MIB2: variants seen among roughly 807,000 people sequenced by gnomAD.
The protein encoded by MIB2 is MIB E3 ubiquitin protein ligase 2.
MIB2 carries 78 observed loss-of-function variants against 96.6 expected under a neutral mutation model. The ratio of observed to expected loss-of-function variants is 0.81; its 90% CI spans 0.67 to 0.97. MIB2 has a LOEUF of 0.97. Ranked by LOEUF, MIB2 falls within the 50% of genes least tolerant of loss-of-function variation. The pLI, the probability that MIB2 is intolerant of heterozygous loss-of-function variation, is 0.00. For synonymous variants in MIB2, 820 were observed against 629.5 expected (o/e 1.30, Z -4.53); for missense variants, 1,543 against 1,424.0 (o/e 1.08, Z -1.35).
upstream of MIB2, chr1:1,615,372 T>C (rs1643489199): frequency 2.8e-6 from 4 of 1,421,296 alleles, no homozygotes; most frequent in African/African-American, 1.5e-5. Context: ...GGAACCTAGC[T>C]GCGCCACGCA....
In MIB2 at chr1:1,626,830, C is replaced by T. The variant is rs776087284; in HGVS notation, c.1078-7C>T. 6.2e-7 allele frequency: 1 copy of T among 1,601,324 alleles called. No homozygotes were observed. The highest frequency in any genetic ancestry group is 2.2e-5 in the East Asian group (1 of 44,810). On this transcript the variant is annotated splice_polypyrimidine_tract_variant and splice_region_variant and intron_variant, in intron 9 of 19. Transcript: ENST00000355826. The surrounding 1 kb of genome is among the most constrained non-coding windows in gnomAD (Gnocchi z 5.3). Reference sequence around the variant, plus strand: ...CAGCCTGCTGTGACCCCCTCCCCTCCCCGCAGGCCCTGGGCCGCGTCGGGA... The same window carrying T: ...CAGCCTGCTGTGACCCCCTCCCCTCTCCGCAGGCCCTGGGCCGCGTCGGGA...
rs374275766 is a variant in MIB2 at position 1,623,913 on chromosome 1, C to T, written c.387C>T (p.Ala129=). The change falls in exon 4 of 20, where the codon GCC becomes GCT. Residue 129 remains alanine (A), a synonymous_variant. Transcript: ENST00000355826. ...YMHNKHELAH[A]FDRYETAHSR... is the part of the protein sequence containing the mutation. ...ACAACAAGCATGAGCTCGCCCACGC[C>T]TTCGACCGCTACGAGACCGCTCACT... The T allele has an allele frequency of 6.2e-7, 1 of 1,611,860 alleles. No individual in the cohort carries two copies. The highest frequency in any genetic ancestry group is 1.1e-5 in the South Asian group (1 of 91,000).
Position 1,615,638 on chromosome 1 carries a change from G to T in MIB2, c.-130+5G>T, listed in dbSNP as rs1168088541. 1 of 1,574,702 alleles carries T rather than the reference G, an allele frequency of 6.4e-7. No individual in the cohort carries two copies. The highest frequency in any genetic ancestry group is 1.8e-5 in the Admixed American group (1 of 56,772). The stretch of plus-strand genomic sequence containing the variant: ...GGGCCGTCCTCTCGGCTGATGGTGC[G>T]TGCGGGCGCGGATCTCCTCCCCTGG... On this transcript the variant is annotated splice_donor_5th_base_variant and intron_variant, in intron 1 of 19. Coordinates refer to ENST00000355826, the MANE Select transcript of MIB2 (RefSeq NM_001170687.4).
chr1:1,615,589 G>T lies in MIB2; in HGVS notation c.-174G>T, dbSNP rs752867702. ...GGGAGCCCGAAGCCGTCCCCGAGTCGCTCCTAGGTCACTGGCGCGATGCGG... is the reference window on the plus strand; with the variant it reads ...GGGAGCCCGAAGCCGTCCCCGAGTCTCTCCTAGGTCACTGGCGCGATGCGG... On this transcript the variant is annotated 5_prime_UTR_variant, in exon 1 of 20. Transcript: ENST00000355826. 2 of 1,558,110 alleles carry T rather than the reference G, an allele frequency of 1.3e-6. No homozygotes were observed. The highest frequency in any genetic ancestry group is 4.9e-5 in the East Asian group (2 of 41,148).
rs986367281 is a variant in MIB2 at position 1,626,290 on chromosome 1, C to T, written c.973-360C>T. ...TGGGGCAGAGTGGGCCCGTCCTGCA[C>T]CCCATGGTCCTGGGGCCCCACCCCC... On this transcript the variant is annotated intron_variant, in intron 8 of 19. Coordinates refer to ENST00000355826, the MANE Select transcript of MIB2 (RefSeq NM_001170687.4). The surrounding 1 kb of genome is among the most constrained non-coding windows in gnomAD (Gnocchi z 5.3). The T allele has an allele frequency of 4.1e-5, 14 of 338,992 alleles. No homozygotes were observed. Among genetic ancestry groups the T allele is most frequent in the Non-Finnish European group, 6.0e-5 (11 of 184,612 alleles). The allele number at this position is 338,992 out of a possible 1,614,324, so 21.0% of individuals were successfully genotyped here. A position where few individuals can be genotyped will look rare whatever the true frequency, so the allele number is the denominator to read the frequency against.
At position 1,628,536 on chromosome 1, in the gene MIB2, G is replaced by A. The variant is rs773111225; in HGVS notation, c.2016G>A (p.Leu672=). Residue 672 remains leucine, a synonymous_variant, in exon 16 of 20, where the codon CTG becomes CTA. Coordinates refer to ENST00000355826, the MANE Select transcript of MIB2 (RefSeq NM_001170687.4). ...GCAACCGGAAGCTGCAGTCCCCGCT[G>A]CATCTCGCCGTGCAACAGGCCCACG... The part of the protein sequence containing the change: ...NVRNRKLQSP[L]HLAVQQAHVG... 2.1e-5 allele frequency: 33 copies of A among 1,601,144 alleles called. 2 individuals are homozygous for A. In the South Asian group the frequency reaches 3.2e-4, roughly 16 times the overall value.
intron 4 of MIB2, 173 bp downstream of exon 4, chr1:1,624,118 T>A: frequency 1.3e-6 from 1 of 775,862 alleles, no homozygotes; most frequent in Non-Finnish European, 2.0e-6. Context: ...GAGGGTGGCC[T>A]CTGGGTGGCT....
At chr1:1,616,161 C>A in intron 1 of MIB2, 5 of 948,754 alleles carry the variant, frequency 5.3e-6, no homozygotes, top group Non-Finnish European at 6.3e-6. Flanking sequence ...CCGCGAGCCA[C>A]GGGCACGAAT....
In MIB2 at chr1:1,625,642, G is replaced by T. The variant is rs1329690437; in HGVS notation, c.961G>T (p.Ala321Ser). The T allele has an allele frequency of 2.6e-6, 4 of 1,560,654 alleles. No homozygotes were observed. The African/African-American group carries it at 5.4e-5, about 21-fold the overall frequency. ...GACGCGCTGGACCTTCCACCCCGGG[G>T]CGCTCACCAAGGTGCCGGGGGGGCT... ...HETRWTFHPG[A>S]LTKHHSFWVG... The change falls in exon 8 of 20, where the codon GCG becomes TCG. Residue 321 changes from alanine to serine, a missense_variant. Transcript: ENST00000355826. The surrounding 1 kb of genome is among the most constrained non-coding windows in gnomAD (Gnocchi z 5.0).
At chr1:1,628,773 C>T (rs554859140) in intron 16 of MIB2, 51 bp downstream of exon 16, 5 of 1,399,370 alleles carry the variant, frequency 3.6e-6, no homozygotes, top group African/African-American at 1.4e-5. Flanking sequence ...GCGCCGGCAG[C>T]AGGCTCTGGG....
intron 11 of MIB2, 40 bp from the exon 12 acceptor site, chr1:1,627,256 G>T (rs1054981569): frequency 6.2e-7 from 1 of 1,612,804 alleles, no homozygotes; most frequent in Non-Finnish European, 8.5e-7. Flanking sequence ...GAGAGTGAGG[G>T]GCAGAGGGCC....
At position 1,624,977 on chromosome 1, in the gene MIB2, G is replaced by A. The variant is rs771066310; in HGVS notation, c.527-14G>A. 5 of 1,608,452 alleles carry A rather than the reference G, an allele frequency of 3.1e-6. No individual in the cohort carries two copies. The highest frequency in any genetic ancestry group is 2.2e-5 in the South Asian group (2 of 90,762). ...GGCTCAGCCTTAGCCTGCTGGGGGG[G>A]CCTCTTTCCCCAGGAGGGGAAGGGA... On this transcript the variant is annotated splice_polypyrimidine_tract_variant and intron_variant, in intron 5 of 19. Transcript: ENST00000355826.
upstream of MIB2, chr1:1,615,478 CG>C: frequency 1.3e-6 from 2 of 1,521,658 alleles, no homozygotes; most frequent in Non-Finnish European, 1.8e-6. Context: ...GGCGCTCCGG[CG>C]GGGGCGGGCC....
upstream of MIB2, chr1:1,615,339 G>C (rs1234346028): frequency 7.2e-6 from 10 of 1,394,276 alleles, no homozygotes; most frequent in African/African-American, 7.7e-5. Context: ...CCACTGCGCA[G>C]GCGCCCGGAG....
Position 1,626,474 on chromosome 1 carries a change from G to A in MIB2, c.973-176G>A. The stretch of plus-strand genomic sequence containing the variant: ...GCTAGGGACACCCAGGGCTGCCTTG[G>A]ACACCTGGGGCTCTCGTCCAGCCAG... On this transcript the variant is annotated intron_variant, in intron 8 of 19. Transcript: ENST00000355826. The surrounding 1 kb of genome is among the most constrained non-coding windows in gnomAD (Gnocchi z 5.3). The A allele has an allele frequency of 1.7e-6, 1 of 597,110 alleles. No homozygotes were observed. 37.0% of individuals were successfully genotyped at this position (597,110 alleles called of 1,614,324 possible).
Position 1,623,761 on chromosome 1 carries a change from AC to A in MIB2, c.248-9del. On this transcript the variant is annotated splice_polypyrimidine_tract_variant and intron_variant, in intron 3 of 19. Transcript: ENST00000355826. ...GGGGCGGGAACGCCCCTCTGACCCCACCCCACCCCCAGGCGTCCGGCACCCC... is the reference window on the plus strand; with the variant it reads ...GGGGCGGGAACGCCCCTCTGACCCCACCCACCCCCAGGCGTCCGGCACCCC... 1.1e-5 allele frequency: 17 copies of A among 1,563,748 alleles called. No homozygotes were observed. The highest frequency in any genetic ancestry group is 1.5e-5 in the Non-Finnish European group (17 of 1,158,150).
chr1:1,629,155 G>A lies in MIB2; in HGVS notation c.2225G>A (p.Gly742Asp). The A allele has an allele frequency of 1.3e-6, 2 of 1,499,270 alleles. No homozygotes were observed. The highest frequency in any genetic ancestry group is 2.8e-5 in the East Asian group (1 of 36,208). The allele number at this position is 1,499,270 out of a possible 1,614,324, so 92.9% of individuals were successfully genotyped here. Residue 742 changes from glycine (G) to aspartate (D), a missense_variant, in exon 17 of 20, where the codon GGC becomes GAC. By Grantham distance (94) the Gly-to-Asp change is moderately conservative. Transcript: ENST00000355826. The stretch of plus-strand genomic sequence containing the variant: ...CAGCTACAGGCCTCGGGCCTCCCCG[G>A]CAGCGCGGAGCTGACGGTGGGCGCG... ...LSRLQASGLP[G>D]SAELTVGAAV... is the part of the protein sequence containing the mutation.
Position 1,626,760 on chromosome 1 carries a change from TC to T in MIB2, c.1077+11del. 6.4e-7 allele frequency: 1 copy of T among 1,555,408 alleles called. No individual in the cohort carries two copies. On this transcript the variant is annotated splice_region_variant and intron_variant, in intron 9 of 19. Transcript: ENST00000355826. The surrounding 1 kb of genome is among the most constrained non-coding windows in gnomAD (Gnocchi z 5.3). ...GGACGGACGACATGGCCCCTGTGAGTCCCCCTGCCACCCCCGCCGCTAGCGC... is the reference window on the plus strand; with the variant it reads ...GGACGGACGACATGGCCCCTGTGAGTCCCCTGCCACCCCCGCCGCTAGCGC...
chr1:1,619,381 A>C (rs142338382), intron 2 of MIB2, among the ~76,000 whole-genome samples: 8 of 152,274 alleles, frequency 5.3e-5, no homozygotes, highest in South Asian at 4.1e-4. Context: ...TCTCAAAAAA[A>C]CCAAAACTGC....
Sources: allele counts gnomAD v4.1 joint callset (sites outside exome capture counted in the v4.1 genomes callset), GRCh38; gene constraint gnomAD v4.1.1; non-coding constraint Gnocchi (gnomAD v3.1); transcripts MANE v1.5; gene names NCBI Gene and HGNC (gene_info 2026-07-23, HGNC 2026-07-21).